Variants in PALM2AKAP2 observed in about 807,000 individuals in gnomAD.
PALM2AKAP2 encodes PALM2 and AKAP2 fusion, also known as PALM2-AKAP2 fusion protein.
A neutral mutation model predicts 71.5 loss-of-function variants in PALM2AKAP2; 37 were observed. That is an observed-to-expected ratio of 0.52 (90% CI 0.40 to 0.68). PALM2AKAP2 has a LOEUF of 0.68. PALM2AKAP2 is among the 30% of genes least tolerant of loss of function. PALM2AKAP2 has a pLI of 0.00. For synonymous variants in PALM2AKAP2, 468 were observed against 478.8 expected, an observed-to-expected ratio of 0.98 and a Z score of 0.29; for missense variants, 1,224 against 1,191.8, an observed-to-expected ratio of 1.03 and a Z score of -0.40.
chr9:109,800,759 A>T (rs7031260), intron 1 of PALM2AKAP2, among the ~76,000 whole-genome samples: 64,442 of 152,116 alleles, frequency 0.42, 16,139 homozygotes, highest in African/African-American at 0.7. Flanking sequence ...ATTTCTACAG[A>T]TGTATTTGTA....
At chr9:110,000,304 T>C (rs1436114242) in intron 6 of PALM2AKAP2, among the ~76,000 whole-genome samples, 1 of 152,086 alleles carries the variant, frequency 6.6e-6, no homozygotes, top group Non-Finnish European at 1.5e-5. Flanking sequence ...AGAATGATGG[T>C]TTCCAGCTTC....
intron 7 of PALM2AKAP2, among the ~76,000 whole-genome samples, chr9:110,019,149 A>T (rs917233304): frequency 6.6e-6 from 1 of 150,796 alleles, no homozygotes; most frequent in Non-Finnish European, 1.5e-5. Context: ...CTGAGGCAGG[A>T]GAATCACTTG....
intron 1 of PALM2AKAP2, among the ~76,000 whole-genome samples, chr9:109,797,673 AGGGGC>A (rs1827302846): frequency 6.6e-6 from 1 of 152,192 alleles, no homozygotes; most frequent in African/African-American, 2.4e-5. Context: ...CCGCCAGGGC[AGGGGC>A]ATGTGTGGGA....
At chr9:109,985,148 C>T (rs1242517267) in intron 6 of PALM2AKAP2, among the ~76,000 whole-genome samples, 1 of 152,056 alleles carries the variant, frequency 6.6e-6, no homozygotes, top group African/African-American at 2.4e-5. Context: ...TGCACTCCAG[C>T]CTGGGTGACA....
chr9:110,053,758 G>A (rs1564281005), intron 1 of PALM2AKAP2, among the ~76,000 whole-genome samples: 2 of 152,056 alleles, frequency 1.3e-5, no homozygotes, highest in South Asian at 4.1e-4. Context: ...TAGGTTTGAG[G>A]GGTTGGGTTT....
chr9:109,651,308 C>A (rs1341441928), intron 1 of PALM2AKAP2, among the ~76,000 whole-genome samples: 1 of 152,180 alleles, frequency 6.6e-6, no homozygotes, highest in Non-Finnish European at 1.5e-5. Context: ...GCAGCCCTTC[C>A]TACTGCTACA....
intron 6 of PALM2AKAP2, among the ~76,000 whole-genome samples, chr9:109,940,425 T>C (rs1404943587): frequency 6.6e-6 from 1 of 152,134 alleles, no homozygotes; most frequent in Non-Finnish European, 1.5e-5. Context: ...ATGGGCCATA[T>C]TTGGATATGT....
At chr9:110,038,791 A>T (rs1051762091) in intron 7 of PALM2AKAP2, among the ~76,000 whole-genome samples, 2 of 151,626 alleles carry the variant, frequency 1.3e-5, no homozygotes, top group Non-Finnish European at 2.9e-5. Flanking sequence ...ATACAAAAAA[A>T]TTACCTGGGC....
intron 4 of PALM2AKAP2, 86 bp downstream of exon 4, chr9:109,923,935 G>A (rs1210596902): frequency 7.5e-7 from 1 of 1,333,186 alleles, no homozygotes; most frequent in East Asian, 2.6e-5. Context: ...AAACAGGCCA[G>A]TGGGCATTGA....
chr9:109,928,170 T>A (rs1480227650), intron 5 of PALM2AKAP2, among the ~76,000 whole-genome samples: 1 of 152,192 alleles, frequency 6.6e-6, no homozygotes, highest in African/African-American at 2.4e-5. Context: ...TGGTGCCATC[T>A]TGGCTCACTG....
chr9:109,704,918 A>G (rs952836486), intron 1 of PALM2AKAP2, among the ~76,000 whole-genome samples: 3 of 152,202 alleles, frequency 2.0e-5, no homozygotes, highest in Non-Finnish European at 4.4e-5. Context: ...CCACATGCTG[A>G]GAGTCAAGAG....
chr9:109,908,232 T>C (rs1289112874), intron 3 of PALM2AKAP2, among the ~76,000 whole-genome samples: 1 of 152,200 alleles, frequency 6.6e-6, no homozygotes, highest in Non-Finnish European at 1.5e-5. Flanking sequence ...TGACAGGAGC[T>C]CCCAGTCAGC....
At chr9:109,842,231 T>C (rs1346373447) in intron 1 of PALM2AKAP2, among the ~76,000 whole-genome samples, 2 of 152,190 alleles carry the variant, frequency 1.3e-5, no homozygotes, top group Non-Finnish European at 2.9e-5. Flanking sequence ...CCATCCTTTA[T>C]AGTGTGAGTA....
chr9:110,032,080 A>T (rs1490475552), intron 7 of PALM2AKAP2, among the ~76,000 whole-genome samples: 1 of 150,384 alleles, frequency 6.6e-6, no homozygotes, highest in African/African-American at 2.4e-5. Context: ...AAAAAAAAAA[A>T]GTAGAGCTTT....
chr9:109,653,768 AG>A (rs1258887472), intron 1 of PALM2AKAP2, among the ~76,000 whole-genome samples: 2 of 152,200 alleles, frequency 1.3e-5, no homozygotes, highest in Non-Finnish European at 2.9e-5. Context: ...TATAGAGCAC[AG>A]GGCTTTATAT....
At chr9:110,048,164 T>C (rs1396301480), upstream of PALM2AKAP2, among the ~76,000 whole-genome samples, 11 of 152,140 alleles carry the variant, frequency 7.2e-5, no homozygotes, top group Non-Finnish European at 1.2e-4. Flanking sequence ...TCGCAACCAG[T>C]TCCGGGAGTC....
chr9:109,915,843 A>G (rs1830676119), intron 3 of PALM2AKAP2, among the ~76,000 whole-genome samples: 6 of 152,180 alleles, frequency 3.9e-5, no homozygotes, highest in Admixed American at 3.9e-4. Context: ...GTTCACAGAC[A>G]AGACCCTCTC....
At chr9:110,090,860 T>A (rs771517483) in intron 1 of PALM2AKAP2, among the ~76,000 whole-genome samples, 42 of 152,226 alleles carry the variant, frequency 2.8e-4, no homozygotes, top group Admixed American at 1.6e-3. Flanking sequence ...TCTCAGCCCC[T>A]TAGTAATAAT....
chr9:110,107,155 T>A (rs992779630), intron 1 of PALM2AKAP2, among the ~76,000 whole-genome samples: 7 of 152,172 alleles, frequency 4.6e-5, no homozygotes, highest in South Asian at 2.1e-4. Context: ...TTGGTTTTTT[T>A]AAAAAATGAG....
Sources: allele counts gnomAD v4.1 joint callset (sites outside exome capture counted in the v4.1 genomes callset), GRCh38; gene constraint gnomAD v4.1.1; transcripts MANE v1.5; gene names NCBI Gene and HGNC (gene_info 2026-07-23, HGNC 2026-07-21).